The following PDSS2 variants were observed in gnomAD, a reference collection of about 807,000 sequenced individuals.
PDSS2 encodes decaprenyl diphosphate synthase subunit 2.
PDSS2 carries 31 observed loss-of-function variants against 44.5 expected under a neutral mutation model. The observed-to-expected ratio is 0.70, with a 90% CI of 0.52 to 0.94. The LOEUF (loss-of-function observed/expected upper bound fraction) is 0.94, where lower values mean the gene tolerates loss of function less well. PDSS2 is among the 40% of genes least tolerant of loss of function. The pLI is 0.00. For synonymous variants in PDSS2, 157 were observed against 180.3 expected (o/e 0.87, Z 1.03); for missense variants, 452 against 482.2 (o/e 0.94, Z 0.59).
intron 1 of PDSS2, among the ~76,000 whole-genome samples, chr6:107,413,663 C>T (rs1780571101): frequency 6.6e-6 from 1 of 152,212 alleles, no homozygotes; most frequent in Non-Finnish European, 1.5e-5. Context: ...CAAGGTTTCA[C>T]CATGTTGGCC....
chr6:107,370,282 G>C (rs1215312761), intron 1 of PDSS2, among the ~76,000 whole-genome samples: 1 of 152,158 alleles, frequency 6.6e-6, no homozygotes, highest in African/African-American at 2.4e-5. Context: ...GAGTAATTCA[G>C]AGAATATTCA....
chr6:107,231,063 T>G (rs2114734515), intron 4 of PDSS2, among the ~76,000 whole-genome samples: 1 of 152,214 alleles, frequency 6.6e-6, no homozygotes, highest in African/African-American at 2.4e-5. Context: ...AAAAAAAATT[T>G]TTTTAAAGAA....
rs1432756180 is a variant in PDSS2 at position 107,260,765 on chromosome 6, G to C, written c.630+13264C>G. ...TGCAAGCTCCACCTCCCGTGTTCAA[G>C]CCATTCTCCTGCCTCAGCCTCCCGA... is the stretch of plus-strand genomic sequence containing the variant. On this transcript the variant is annotated intron_variant, in intron 3 of 7. Transcript: ENST00000369037. Among the ~76,000 whole-genome samples, 3 of 145,890 alleles carry C rather than the reference G, an allele frequency of 2.1e-5. No individual in the cohort carries two copies. In the East Asian group the frequency reaches 6.3e-4, roughly 31 times the overall value.
chr6:107,159,589 TG>T (rs1771049266), intron 7 of PDSS2, among the ~76,000 whole-genome samples: 1 of 151,748 alleles, frequency 6.6e-6, no homozygotes, highest in Non-Finnish European at 1.5e-5. Flanking sequence ...GCTAATTTTT[TG>T]TATTTTTTTA....
intron 1 of PDSS2, among the ~76,000 whole-genome samples, chr6:107,338,883 T>C (rs1199946650): frequency 6.7e-6 from 1 of 148,526 alleles, no homozygotes; most frequent in Non-Finnish European, 1.5e-5. Context: ...ATAGATCTAG[T>C]AAGTATTAAT....
chr6:107,193,902 A>G (rs369620283), intron 6 of PDSS2, 48 bp from the exon 7 acceptor site: 8 of 1,218,548 alleles, frequency 6.6e-6, no homozygotes, highest in Non-Finnish European at 9.8e-6. Context: ...CTAAAAGTTT[A>G]GTGCTTCTAT....
chr6:107,204,100 A>G (rs1189687864), intron 6 of PDSS2, among the ~76,000 whole-genome samples: 1 of 151,562 alleles, frequency 6.6e-6, no homozygotes, highest in Non-Finnish European at 1.5e-5. Context: ...CTATTACCAC[A>G]CCCGGCAAAT....
chr6:107,331,622 C>A (rs763973433), intron 2 of PDSS2, among the ~76,000 whole-genome samples: 2 of 152,116 alleles, frequency 1.3e-5, no homozygotes, highest in Non-Finnish European at 2.9e-5. Context: ...AGATTAATAG[C>A]TCCTGCTGAG....
chr6:107,326,410 C>T (rs1247751820), intron 2 of PDSS2, among the ~76,000 whole-genome samples: 2 of 151,816 alleles, frequency 1.3e-5, no homozygotes, highest in Non-Finnish European at 2.9e-5. Flanking sequence ...GCACCCAGTC[C>T]AATCATCTGA....
chr6:107,336,949 AC>A (rs1006525605), intron 1 of PDSS2, among the ~76,000 whole-genome samples: 1 of 148,218 alleles, frequency 6.7e-6, no homozygotes, highest in Non-Finnish European at 1.5e-5. Context: ...GAACCTTGAG[AC>A]AAGTCTGACC....
intron 1 of PDSS2, among the ~76,000 whole-genome samples, chr6:107,348,078 C>T (rs995521877): frequency 5.3e-5 from 8 of 152,158 alleles, no homozygotes; most frequent in African/African-American, 1.9e-4. Context: ...CCCTCCTACA[C>T]CCCAAATAAG....
intron 1 of PDSS2, among the ~76,000 whole-genome samples, chr6:107,420,263 C>T (rs1188281228): frequency 6.6e-6 from 1 of 152,274 alleles, no homozygotes; most frequent in Non-Finnish European, 1.5e-5. Flanking sequence ...AATAAAGTAC[C>T]GTCACCTTCT....
rs74816741 is a variant in PDSS2, at chr6:107,322,553, A to G, written c.431+11645T>C. Among the ~76,000 whole-genome samples the G allele has an allele frequency of 0.015, 2,263 of 148,194 alleles. 120 individuals are homozygous for G. The East Asian group carries it at 0.2, about 13-fold the overall frequency. ...CAAACAAACAAAACAACAACAACAAAAAAACTTGAGGCCGGGTGTGGTGGC... is the reference window on the plus strand; with the variant it reads ...CAAACAAACAAAACAACAACAACAAGAAAACTTGAGGCCGGGTGTGGTGGC... On this transcript the variant is annotated intron_variant, in intron 2 of 7. Transcript: ENST00000369037.
At chr6:107,434,885 AC>A in intron 1 of PDSS2, among the ~76,000 whole-genome samples, 1 of 152,236 alleles carries the variant, frequency 6.6e-6, no homozygotes, top group Non-Finnish European at 1.5e-5. Context: ...GTATATATAT[AC>A]ATATATACCT....
intron 1 of PDSS2, among the ~76,000 whole-genome samples, chr6:107,450,736 G>A (rs944065797): frequency 6.6e-6 from 1 of 152,172 alleles, no homozygotes; most frequent in Non-Finnish European, 1.5e-5. Context: ...TTGTGTATAG[G>A]TTTTGGTATG....
At chr6:107,207,129 A>C (rs984419396) in intron 6 of PDSS2, among the ~76,000 whole-genome samples, 1 of 151,446 alleles carries the variant, frequency 6.6e-6, no homozygotes, top group African/African-American at 2.4e-5. Context: ...AGTAGCTGGG[A>C]CTACAGGCGC....
At chr6:107,405,997 A>T (rs1257329766) in intron 1 of PDSS2, among the ~76,000 whole-genome samples, 1 of 152,234 alleles carries the variant, frequency 6.6e-6, no homozygotes, top group African/African-American at 2.4e-5. Context: ...AGACTTTAGC[A>T]CTATGCAATA....
chr6:107,405,366 A>G (rs1770635874), intron 1 of PDSS2, among the ~76,000 whole-genome samples: 1 of 152,016 alleles, frequency 6.6e-6, no homozygotes, highest in Non-Finnish European at 1.5e-5. Context: ...CTTATAAAAC[A>G]ATTACAAAAA....
chr6:107,199,818 C>T (rs1772708214), intron 6 of PDSS2, among the ~76,000 whole-genome samples: 1 of 152,096 alleles, frequency 6.6e-6, no homozygotes, highest in Admixed American at 6.6e-5. Flanking sequence ...TCTAGGAAAG[C>T]TGGATGTTTT....
Sources: allele counts gnomAD v4.1 joint callset (sites outside exome capture counted in the v4.1 genomes callset), GRCh38; gene constraint gnomAD v4.1.1; transcripts MANE v1.5; gene names NCBI Gene and HGNC (gene_info 2026-07-23, HGNC 2026-07-21).